NFASC: variants seen among roughly 807,000 people sequenced by gnomAD.
NFASC encodes neurofascin homolog.
A neutral mutation model predicts 147.5 loss-of-function variants in NFASC; 43 were observed. The observed-to-expected ratio is 0.29, with a 90% confidence interval of 0.23 to 0.38. NFASC has a LOEUF of 0.38. Among genes scored for constraint, NFASC ranks in the 10% least tolerant of loss-of-function variants. The pLI, the probability that NFASC is intolerant of heterozygous loss-of-function variation, is 1.00. For missense variants in NFASC, 1,320 were observed against 1,689.0 expected (o/e 0.78, Z 3.83); for synonymous variants, 622 against 665.5 (o/e 0.93, Z 1.01).
Position 204,974,283 on chromosome 1 carries a change from C to T in NFASC, c.1384C>T (p.Leu462=). The T allele has an allele frequency of 6.2e-7, 1 of 1,612,430 alleles. No homozygotes were observed. Among genetic ancestry groups the T allele is most frequent in the Non-Finnish European group, 8.5e-7 (1 of 1,178,494 alleles). The change falls in exon 13 of 30, where the codon CTG becomes TTG. Residue 462 remains leucine (L), a synonymous_variant. Transcript: ENST00000339876. The part of the protein sequence containing the change: ...CPFFGSPIPT[L]RWFKNGQGSN... The stretch of plus-strand genomic sequence containing the variant: ...TTTCTTTGGGTCTCCCATCCCCACA[C>T]TGCGATGGTAAGTTCCAGGAGATCA...
At position 204,975,555 on chromosome 1, in the gene NFASC, G is replaced by A. The variant is rs1238341200; in HGVS notation, c.1706+137G>A. 6.6e-6 allele frequency: 8 copies of A among 1,220,038 alleles called. No individual in the cohort carries two copies. Among genetic ancestry groups the A allele is most frequent in the East Asian group, 4.8e-5 (2 of 41,272 alleles). 75.6% of individuals were successfully genotyped at this position (1,220,038 alleles called of 1,614,324 possible). A position where few individuals can be genotyped will look rare whatever the true frequency, so the allele number is the denominator to read the frequency against. ...GTCACCAAGGAGCTTCTGCAGAGGG[G>A]GTGATGGCCTGGGCAACTCCCCTGC... On this transcript the variant is annotated intron_variant, in intron 15 of 29. Transcript: ENST00000339876. The surrounding 1 kb of genome is among the most constrained non-coding windows in gnomAD (Gnocchi z 4.0).
Position 204,921,840 on chromosome 1 carries a change from GT to G in NFASC, c.-91+1111del, listed in dbSNP as rs560152804. Among the ~76,000 whole-genome samples the G allele has an allele frequency of 5.0e-3, 748 of 148,208 alleles. 10 individuals are homozygous for G. Among genetic ancestry groups the G allele is most frequent in the African/African-American group, 0.016 (669 of 40,672 alleles). ...TCATATCAATGGCAATTCAGATATA[GT>G]TTTTTTTTTTATCAAGGTAGTTTCT... On this transcript the variant is annotated intron_variant, in intron 2 of 29. Transcript: ENST00000339876.
intron 1 of NFASC, among the ~76,000 whole-genome samples, chr1:204,902,299 GA>G (rs1473212541): frequency 6.6e-6 from 1 of 151,870 alleles, no homozygotes; most frequent in African/African-American, 2.4e-5. Flanking sequence ...AGGGTGTAAA[GA>G]AAAAAAGAGG....
chr1:204,993,617 C>T (rs965935527), intron 24 of NFASC: 6 of 348,756 alleles, frequency 1.7e-5, no homozygotes, highest in South Asian at 9.7e-5. Context: ...TGCTTCCAGC[C>T]GAAGCCCACT....
In NFASC at chr1:204,968,974, G is replaced by A; in HGVS notation, c.995G>A (p.Arg332Lys). The A allele has an allele frequency of 6.2e-7, 1 of 1,613,672 alleles. No individual in the cohort carries two copies. Among genetic ancestry groups the A allele is most frequent in the Non-Finnish European group, 8.5e-7 (1 of 1,179,812 alleles). Residue 332 changes from arginine to lysine, a missense_variant, in exon 10 of 30, where the codon AGA becomes AAA. By Grantham distance (26) the Arg-to-Lys change is conservative. This residue lies in a region of NFASC where 981 missense variants were observed against 1,289.5 expected (regional missense o/e 0.76). Coordinates refer to ENST00000339876, the MANE Select transcript of NFASC (RefSeq NM_001005388.3). This position sits in a 1 kb window ranked among gnomAD's most constrained non-coding sequence, Gnocchi z 5.4. ...MGSIRHTISV[R>K]VKAAPYWLDE... is the part of the protein sequence containing the mutation. ...AGCATCCGGCACACGATCTCGGTGA[G>A]AGTAAAGGGTACGTTGTGTGTATTT...
chr1:204,901,726 G>A, intron 1 of NFASC, among the ~76,000 whole-genome samples: 1 of 152,112 alleles, frequency 6.6e-6, no homozygotes, highest in Non-Finnish European at 1.5e-5. Context: ...CTCAGGTTGG[G>A]ATAAATCACA....
Position 205,016,337 on chromosome 1 carries a change from G to A in NFASC, c.3521G>A (p.Ser1174Asn), listed in dbSNP as rs749038685. ...SDEDNKPLQG[S>N]QTSLDGTIKQ... ...GAGGACAACAAGCCCCTGCAGGGCA[G>A]TCAGACATCTCTGGACGGCACCATC... The change falls in exon 30 of 30, where the codon AGT (serine) becomes AAT (asparagine). Residue 1174 changes from serine (S) to asparagine (N), a missense_variant. Around this residue, in one of 3 missense-constraint regions of NFASC, gnomAD observed 167 missense variants for 233.8 expected, o/e 0.71. Transcript: ENST00000339876. The surrounding 1 kb of genome is among the most constrained non-coding windows in gnomAD (Gnocchi z 5.1). The A allele has an allele frequency of 1.2e-6, 2 of 1,613,956 alleles. No individual in the cohort carries two copies. Among genetic ancestry groups the A allele is most frequent in the Admixed American group, 1.7e-5 (1 of 60,020 alleles).
In NFASC at chr1:204,954,834, C is replaced by T. The variant is rs948763379; in HGVS notation, c.418C>T (p.Pro140Ser). Residue 140 changes from proline (P) to serine (S), a missense_variant, in exon 7 of 30, where the codon CCT (proline) becomes TCT (serine). Around this residue, in one of 3 missense-constraint regions of NFASC, gnomAD observed 981 missense variants for 1,289.5 expected, o/e 0.76. Transcript: ENST00000339876. The surrounding 1 kb of genome is among the most constrained non-coding windows in gnomAD (Gnocchi z 5.7). ...NRIRLQVSKS[P>S]LWPKENLDPV... is the part of the protein sequence containing the mutation. ...CTTTGTCCACTTCTCTCCAGAATCT[C>T]CTCTGTGGCCCAAGGAAAACCTAGA... The T allele has an allele frequency of 2.5e-6, 4 of 1,614,048 alleles. No individual in the cohort carries two copies. The highest frequency in any genetic ancestry group is 3.4e-6 in the Non-Finnish European group (4 of 1,180,024).
chr1:204,991,204 T>C (rs1302090470), intron 23 of NFASC, 88 bp from the exon 24 acceptor site: 12 of 1,459,318 alleles, frequency 8.2e-6, no homozygotes, highest in Non-Finnish European at 1.0e-5. Context: ...GCTTTCCTTG[T>C]CCTGTGGTCT....
intron 7 of NFASC, among the ~76,000 whole-genome samples, chr1:204,957,447 C>T (rs912775544): frequency 5.3e-5 from 8 of 152,222 alleles, no homozygotes; most frequent in Admixed American, 3.3e-4. Context: ...TCCTCTCTGC[C>T]TTTGCAATGC....
At chr1:204,920,499 A>G (rs2090234601) in intron 1 of NFASC, 133 bp from the exon 2 acceptor site, 1 of 365,720 alleles carries the variant, frequency 2.7e-6, no homozygotes, top group Non-Finnish European at 5.3e-6. Context: ...ATGCTATGCA[A>G]AACTTTACCA....
chr1:204,906,750 T>C (rs2086004698), intron 1 of NFASC, among the ~76,000 whole-genome samples: 2 of 127,340 alleles, frequency 1.6e-5, no homozygotes, highest in Non-Finnish European at 3.5e-5. Context: ...TGGCGCGATC[T>C]CGGCTCACTG....
At chr1:204,934,473 C>T (rs1371238325) in intron 2 of NFASC, among the ~76,000 whole-genome samples, 1 of 152,140 alleles carries the variant, frequency 6.6e-6, no homozygotes, top group Non-Finnish European at 1.5e-5. Context: ...AATTAAAAAC[C>T]CACAATAAGA....
chr1:205,009,469 A>C, intron 27 of NFASC, 88 bp from the exon 28 acceptor site: 1 of 1,399,380 alleles, frequency 7.1e-7, no homozygotes, highest in Non-Finnish European at 1.0e-6. Flanking sequence ...CATCCACATG[A>C]GATAGCTGAA....
Position 205,002,755 on chromosome 1 carries a change from G to A in NFASC, c.3289+7G>A. 6.8e-7 allele frequency: 1 copy of A among 1,460,092 alleles called. No individual in the cohort carries two copies. The highest frequency in any genetic ancestry group is 9.2e-7 in the Non-Finnish European group (1 of 1,085,970). 90.4% of individuals were successfully genotyped at this position (1,460,092 alleles called of 1,614,324 possible). A position where few individuals can be genotyped will look rare whatever the true frequency, so the allele number is the denominator to read the frequency against. On this transcript the variant is annotated splice_region_variant and intron_variant, in intron 27 of 29. Transcript: ENST00000339876. Reference sequence around the variant, plus strand: ...ACCTTTATGACCAGTACAGGTGAGAGGGGACCTGGCCTGGCCATCCCCTGC... The same window carrying A: ...ACCTTTATGACCAGTACAGGTGAGAAGGGACCTGGCCTGGCCATCCCCTGC...
At chr1:204,845,267 A>G (rs1178738934) in intron 1 of NFASC, among the ~76,000 whole-genome samples, 1 of 150,112 alleles carries the variant, frequency 6.7e-6, no homozygotes. Context: ...CCTGGCCAAC[A>G]TGGTAAAACC....
chr1:204,996,165 G>A (rs1024012206), intron 24 of NFASC, among the ~76,000 whole-genome samples: 1 of 152,140 alleles, frequency 6.6e-6, no homozygotes, highest in Admixed American at 6.5e-5. Flanking sequence ...CATAAGCTTA[G>A]CCCTCCCAAG....
intron 1 of NFASC, among the ~76,000 whole-genome samples, chr1:204,870,118 C>T (rs1030080048): frequency 2.0e-5 from 3 of 152,168 alleles, no homozygotes; most frequent in African/African-American, 7.2e-5. Flanking sequence ...TTGTCCATCT[C>T]AGAGGAAGCA....
At chr1:205,005,762 C>T (rs1263054301) in intron 27 of NFASC, among the ~76,000 whole-genome samples, 1 of 152,144 alleles carries the variant, frequency 6.6e-6, no homozygotes, top group Non-Finnish European at 1.5e-5. Flanking sequence ...CCCACCTTAC[C>T]CCAGATCCCA....
Sources: gnomAD v4.1 joint callset for allele counts (sites outside exome capture counted in the v4.1 genomes callset) on GRCh38, gnomAD v4.1.1 for gene constraint, gnomAD v4.1.1 regional missense constraint, Gnocchi (gnomAD v3.1) non-coding constraint, MANE v1.5 for transcripts, NCBI Gene and HGNC (gene_info 2026-07-23, HGNC 2026-07-21) for gene names.